C12orf42: variants seen among roughly 807,000 people sequenced by gnomAD.
C12orf42 encodes the protein chromosome 12 open reading frame 42.
Under a neutral mutation model 21.6 loss-of-function variants are expected in C12orf42, and 25 were observed. The ratio of observed to expected loss-of-function variants is 1.16; its 90% CI spans 0.84 to 1.62. C12orf42 has a LOEUF of 1.62. Among genes scored for constraint, C12orf42 ranks in the 40% most tolerant of loss-of-function variants. The pLI, the probability that C12orf42 is intolerant of heterozygous loss-of-function variation, is 0.00. For synonymous variants in C12orf42, 174 were observed against 175.0 expected (o/e 0.99, Z 0.05); for missense variants, 483 against 459.3 (o/e 1.05, Z -0.47).
Position 103,259,850 on chromosome 12 carries a change from A to T in C12orf42, c.*1366+3476T>A, listed in dbSNP as rs1042308960. ...ACCTTGCAGTACATGGACTGTAGGC[A>T]TTAATTCTGGAAACAACCATATAGG... On this transcript the variant is annotated intron_variant and NMD_transcript_variant, in intron 10 of 10. Transcript: ENST00000547347. Among the ~76,000 whole-genome samples, 5 of 152,210 alleles carry T rather than the reference A, an allele frequency of 3.3e-5. No homozygotes were observed. In the South Asian group the frequency reaches 8.3e-4, roughly 25 times the overall value.
At chr12:103,499,864 G>A (rs952137422), upstream of C12orf42, among the ~76,000 whole-genome samples, 13 of 152,160 alleles carry the variant, frequency 8.5e-5, no homozygotes, top group Non-Finnish European at 1.5e-5. Flanking sequence ...GAAAGGAGAA[G>A]TCAGGAAGAG....
the C12orf42 span, among the ~76,000 whole-genome samples, chr12:103,545,205 T>C: frequency 6.6e-6 from 1 of 152,222 alleles, no homozygotes; most frequent in Non-Finnish European, 1.5e-5. Flanking sequence ...TCTACCATTC[T>C]TTCAGAAATA....
At chr12:103,187,747 A>G in the C12orf42 span, among the ~76,000 whole-genome samples, 1 of 152,234 alleles carries the variant, frequency 6.6e-6, no homozygotes, top group Non-Finnish European at 1.5e-5. Context: ...AGCTGCATCA[A>G]GATTTGCCAT....
chr12:103,083,114 C>G, the C12orf42 span, among the ~76,000 whole-genome samples: 1 of 152,088 alleles, frequency 6.6e-6, no homozygotes, highest in Non-Finnish European at 1.5e-5. Flanking sequence ...CCTGTAATTC[C>G]AACACTTTGG....
chr12:103,254,823 C>T (rs563797963), intron 10 of C12orf42, among the ~76,000 whole-genome samples: 1 of 152,162 alleles, frequency 6.6e-6, no homozygotes, highest in African/African-American at 2.4e-5. Context: ...GGCTGAATAC[C>T]TAGGTGATGG....
chr12:103,083,838 C>T, the C12orf42 span, among the ~76,000 whole-genome samples: 4 of 152,114 alleles, frequency 2.6e-5, no homozygotes, highest in Admixed American at 6.5e-5. Flanking sequence ...TGTGATTTTG[C>T]CACTTGGTGT....
At chr12:103,491,714 A>C (rs1298395077) in intron 1 of C12orf42, among the ~76,000 whole-genome samples, 2 of 152,156 alleles carry the variant, frequency 1.3e-5, no homozygotes, top group African/African-American at 2.4e-5. Flanking sequence ...ATCTTCAGTC[A>C]ATTTGATTGG....
the C12orf42 span, among the ~76,000 whole-genome samples, chr12:103,562,185 T>C: frequency 1.2e-3 from 188 of 152,320 alleles, 1 homozygote; most frequent in African/African-American, 4.4e-3. Context: ...TCTCACACCT[T>C]TCAAACTCAA....
At chr12:103,555,634 G>A in the C12orf42 span, among the ~76,000 whole-genome samples, 250 of 152,168 alleles carry the variant, frequency 1.6e-3, 1 homozygote, top group African/African-American at 5.8e-3. Context: ...CCTGAGATGT[G>A]GTTAGAAACA....
chr12:103,219,012 T>G, the C12orf42 span, among the ~76,000 whole-genome samples: 1 of 152,152 alleles, frequency 6.6e-6, no homozygotes, highest in African/African-American at 2.4e-5. Context: ...CTGAGCTAGC[T>G]GCAGGAGTTT....
chr12:103,092,830 A>G, the C12orf42 span, among the ~76,000 whole-genome samples: 2 of 151,374 alleles, frequency 1.3e-5, no homozygotes, highest in South Asian at 4.2e-4. Flanking sequence ...CTTTTCCTCA[A>G]CCTTGCTATA....
chr12:103,394,217 A>G (rs369662772), intron 3 of C12orf42, among the ~76,000 whole-genome samples: 18 of 152,196 alleles, frequency 1.2e-4, no homozygotes, highest in Admixed American at 1.3e-4. Context: ...GGAGATTGAG[A>G]ATGAGTTCTG....
At chr12:103,485,159 G>A (rs1190666679) in intron 1 of C12orf42, among the ~76,000 whole-genome samples, 13 of 152,188 alleles carry the variant, frequency 8.5e-5, no homozygotes, top group East Asian at 3.9e-4. Context: ...ATGAGCCACC[G>A]TGCCCGGCCC....
chr12:103,370,413 T>C (rs1178901168), intron 3 of C12orf42, among the ~76,000 whole-genome samples: 1 of 152,082 alleles, frequency 6.6e-6, no homozygotes, highest in Non-Finnish European at 1.5e-5. Flanking sequence ...CATTCTAACA[T>C]AAAGATACAT....
chr12:103,485,006 A>C (rs999936097), intron 1 of C12orf42, among the ~76,000 whole-genome samples: 1 of 151,036 alleles, frequency 6.6e-6, no homozygotes, highest in South Asian at 2.1e-4. Flanking sequence ...AGTACCTGGG[A>C]CTACAAGTGC....
chr12:103,193,390 G>T, the C12orf42 span, among the ~76,000 whole-genome samples: 1 of 151,208 alleles, frequency 6.6e-6, no homozygotes, highest in Non-Finnish European at 1.5e-5. Flanking sequence ...AATAATAAAT[G>T]TCAAGGCAGA....
chr12:103,159,823 G>A, the C12orf42 span, among the ~76,000 whole-genome samples: 1 of 152,184 alleles, frequency 6.6e-6, no homozygotes, highest in Non-Finnish European at 1.5e-5. Context: ...AGGGACCCCT[G>A]ACTCTTAGTT....
chr12:103,190,726 T>C, the C12orf42 span, among the ~76,000 whole-genome samples: 270 of 151,716 alleles, frequency 1.8e-3, 1 homozygote, highest in African/African-American at 6.2e-3. Context: ...AAGAGAAAAA[T>C]GAATGAAAAT....
At chr12:103,110,363 A>G in the C12orf42 span, among the ~76,000 whole-genome samples, 1 of 152,238 alleles carries the variant, frequency 6.6e-6, no homozygotes, top group Non-Finnish European at 1.5e-5. Context: ...CATATTGCTA[A>G]TGGTAACATA....
Sources: gnomAD v4.1 joint callset for allele counts (sites outside exome capture counted in the v4.1 genomes callset) on GRCh38, gnomAD v4.1.1 for gene constraint, MANE v1.5 for transcripts, NCBI Gene and HGNC (gene_info 2026-07-23, HGNC 2026-07-21) for gene names.